LRRTM2: variants seen among roughly 807,000 people sequenced by gnomAD.
The protein encoded by LRRTM2 is leucine-rich repeat transmembrane neuronal protein 2.
In LRRTM2, 14 loss-of-function variants were observed where a neutral mutation model predicts 40.7. The observed-to-expected ratio is 0.34, with a 90% CI of 0.23 to 0.54. The LOEUF is 0.54. Ranked by LOEUF, LRRTM2 falls within the 20% of genes least tolerant of loss-of-function variation. The pLI is 0.92. For missense variants in LRRTM2, 468 were observed against 624.4 expected (o/e 0.75, Z 2.67); for synonymous variants, 223 against 237.6 (o/e 0.94, Z 0.57).
At position 138,875,100 on chromosome 5, in the gene LRRTM2, G is replaced by C; in HGVS notation, c.-189C>G. 1.8e-6 allele frequency: 1 copy of C among 547,390 alleles called. No homozygotes were observed. Among genetic ancestry groups the C allele is most frequent in the Non-Finnish European group, 3.2e-6 (1 of 315,252 alleles). 33.9% of individuals were successfully genotyped at this position (547,390 alleles called of 1,614,324 possible). On this transcript the variant is annotated 5_prime_UTR_variant, in exon 1 of 2. Transcript: ENST00000274711. ...TTAGGATATCCCTCTGGAAAGCATT[G>C]GTTTCATTTTCTGTGATTGCTCTGA...
Position 138,875,146 on chromosome 5 carries a change from AT to A in LRRTM2, c.-236del, listed in dbSNP as rs1313077363. On this transcript the variant is annotated 5_prime_UTR_variant, in exon 1 of 2. Transcript: ENST00000274711. The stretch of plus-strand genomic sequence containing the variant: ...TCTGATCCCTAAATCAGTTTTGAAT[AT>A]AAGTTATTAAATTTCTCCACCTCTA... The A allele has an allele frequency of 6.9e-5, 31 of 450,592 alleles. No homozygotes were observed. The highest frequency in any genetic ancestry group is 6.3e-4 in the African/African-American group (31 of 49,298). 27.9% of individuals were successfully genotyped at this position (450,592 alleles called of 1,614,324 possible).
rs771709297 is a variant in LRRTM2, at chr5:138,872,435, C to T, written c.*575G>A. The T allele has an allele frequency of 6.6e-6, 1 of 152,430 alleles. No homozygotes were observed. The highest frequency in any genetic ancestry group is 1.5e-5 in the Non-Finnish European group (1 of 68,070). The allele number at this position is 152,430 out of a possible 1,614,324, so 9.4% of individuals were successfully genotyped here. A position where few individuals can be genotyped will look rare whatever the true frequency, so the allele number is the denominator to read the frequency against. ...TTCATGATATGGACTTTGATAATAT[C>T]TACTAACCCAGGCAGAAACTCTGGA... On this transcript the variant is annotated 3_prime_UTR_variant, in exon 2 of 2. Transcript: ENST00000274711.
Position 138,872,320 on chromosome 5 carries a change from A to C in LRRTM2, c.*690T>G, listed in dbSNP as rs1750747035. On this transcript the variant is annotated 3_prime_UTR_variant, in exon 2 of 2. Coordinates refer to ENST00000274711, the MANE Select transcript of LRRTM2 (RefSeq NM_015564.3). ...AATTATTTAGGATTGGTTTCATTGT[A>C]ATGAGACCTTTTCACAGTCACTTGG... The C allele has an allele frequency of 6.6e-6, 1 of 152,626 alleles. No homozygotes were observed. The allele number at this position is 152,626 out of a possible 1,614,324, so 9.5% of individuals were successfully genotyped here. A position where few individuals can be genotyped will look rare whatever the true frequency, so the allele number is the denominator to read the frequency against.
chr5:138,874,433 A>G lies in LRRTM2; in HGVS notation c.128T>C (p.Leu43Pro). ...ACPPKCRCEK[L>P]LFYCDSQGFH... ...GCCCTGAGAGTCGCAGTAGAAGAGC[A>G]GCTTCTCGCAGCGGCATTTGGGTGG... The change falls in exon 2 of 2, where the codon CTG becomes CCG. Residue 43 changes from leucine (L) to proline (P), a missense_variant. Transcript: ENST00000274711. The surrounding 1 kb of genome is among the most constrained non-coding windows in gnomAD (Gnocchi z 4.1). The G allele has an allele frequency of 6.2e-7, 1 of 1,613,882 alleles. No homozygotes were observed. Among genetic ancestry groups the G allele is most frequent in the Non-Finnish European group, 8.5e-7 (1 of 1,179,836 alleles).
In LRRTM2 at chr5:138,870,796, G is replaced by C. The variant is rs1008183254; in HGVS notation, c.*2214C>G. The stretch of plus-strand genomic sequence containing the variant: ...TAAATGGGTTGGTAAATTTTAGCTC[G>C]TGGTGCTCTTATTTGTAATAGGGGC... On this transcript the variant is annotated 3_prime_UTR_variant, in exon 2 of 2. Transcript: ENST00000274711. 1 of 152,152 alleles carries C rather than the reference G, an allele frequency of 6.6e-6. No individual in the cohort carries two copies. The highest frequency in any genetic ancestry group is 1.9e-4 in the East Asian group (1 of 5,198). The allele number at this position is 152,152 out of a possible 1,614,324, so 9.4% of individuals were successfully genotyped here.
rs1425768461 is a variant in LRRTM2, at chr5:138,871,823, G to A, written c.*1187C>T. 7 of 152,148 alleles carry A rather than the reference G, an allele frequency of 4.6e-5. No individual in the cohort carries two copies. The highest frequency in any genetic ancestry group is 7.3e-5 in the Non-Finnish European group (5 of 68,030). The allele number at this position is 152,148 out of a possible 1,614,324, so 9.4% of individuals were successfully genotyped here. The stretch of plus-strand genomic sequence containing the variant: ...GAATGCGTATCTTTATTGAAAGATC[G>A]AAATGTATTATATAATAGTTGGAAA... On this transcript the variant is annotated 3_prime_UTR_variant, in exon 2 of 2. Transcript: ENST00000274711.
At position 138,874,989 on chromosome 5, in the gene LRRTM2, T is replaced by C; in HGVS notation, c.-78A>G. 4 of 1,467,258 alleles carry C rather than the reference T, an allele frequency of 2.7e-6. No homozygotes were observed. In the Middle Eastern group the frequency reaches 6.9e-4, roughly 254 times the overall value. The allele number at this position is 1,467,258 out of a possible 1,614,324, so 90.9% of individuals were successfully genotyped here. On this transcript the variant is annotated 5_prime_UTR_variant, in exon 1 of 2. An upstream start codon of the reference 5' UTR is lost. Transcript: ENST00000274711. The surrounding 1 kb of genome is among the most constrained non-coding windows in gnomAD (Gnocchi z 4.1). ...AGTGAGTCTGTAAAAGGCTCTAACA[T>C]GTAGGAGCCTTTGACCAGTTTCCTG... is the stretch of plus-strand genomic sequence containing the variant.
rs761811053 is a variant in LRRTM2 at position 138,873,190 on chromosome 5, C to G, written c.1371G>C (p.Gln457His). The G allele has an allele frequency of 4.4e-5, 71 of 1,613,846 alleles. 1 individual carries two copies. The South Asian group carries it at 7.6e-4, about 17-fold the overall frequency. The change falls in exon 2 of 2, where the codon CAG becomes CAC. Residue 457 changes from glutamine (Q) to histidine (H), a missense_variant. Gln to His is a conservative substitution (Grantham distance 24). Transcript: ENST00000274711. This position sits in a 1 kb window ranked among gnomAD's most constrained non-coding sequence, Gnocchi z 6.1. ...GCCTGTGGTTCTGAACCATTGAGCA[C>G]TGCCTAATTCTTCTTAAAGTGGGAG... ...CCPPTLRRIR[Q>H]CSMVQNHRQL...
At position 138,871,513 on chromosome 5, in the gene LRRTM2, A is replaced by G. The variant is rs965209381; in HGVS notation, c.*1497T>C. Reference sequence around the variant, plus strand: ...GTGGCATCCTTATCATTTGTTAACTATGGCATGTTTATATTTACATTGGAG... The same window carrying G: ...GTGGCATCCTTATCATTTGTTAACTGTGGCATGTTTATATTTACATTGGAG... On this transcript the variant is annotated 3_prime_UTR_variant, in exon 2 of 2. Coordinates refer to ENST00000274711, the MANE Select transcript of LRRTM2 (RefSeq NM_015564.3). 2 of 152,172 alleles carry G rather than the reference A, an allele frequency of 1.3e-5. No homozygotes were observed. Among genetic ancestry groups the G allele is most frequent in the African/African-American group, 4.8e-5 (2 of 41,438 alleles). The allele number at this position is 152,172 out of a possible 1,614,324, so 9.4% of individuals were successfully genotyped here.
Position 138,873,441 on chromosome 5 carries a change from A to G in LRRTM2, c.1120T>C (p.Tyr374His). The G allele has an allele frequency of 6.2e-7, 1 of 1,613,982 alleles. No individual in the cohort carries two copies. Among genetic ancestry groups the G allele is most frequent in the Non-Finnish European group, 8.5e-7 (1 of 1,179,884 alleles). ...STTVTVMATT[Y>H]RDPTTEYTKR... ...GTATATTCAGTGGTTGGATCTCTAT[A>G]AGTTGTAGCCATGACAGTGACAGTG... Residue 374 changes from tyrosine to histidine, a missense_variant, in exon 2 of 2, where the codon TAT becomes CAT. By Grantham distance (83) the Tyr-to-His change is moderately conservative. Transcript: ENST00000274711. The surrounding 1 kb of genome is among the most constrained non-coding windows in gnomAD (Gnocchi z 6.1).
At position 138,873,613 on chromosome 5, in the gene LRRTM2, G is replaced by T. The variant is rs772215795; in HGVS notation, c.948C>A (p.Ser316Arg). The T allele has an allele frequency of 1.2e-6, 2 of 1,614,004 alleles. No homozygotes were observed. The highest frequency in any genetic ancestry group is 1.7e-6 in the Non-Finnish European group (2 of 1,179,884). ...AGGAGGCCAGAGCACATATTCGGGC[G>T]CTGCATTCCCACAGATTGCCAGAGA... is the stretch of plus-strand genomic sequence containing the variant. ...VGLSGNLWEC[S>R]ARICALASWL... is the part of the protein sequence containing the mutation. Residue 316 changes from serine to arginine, a missense_variant, in exon 2 of 2, where the codon AGC (serine) becomes AGA (arginine). Ser to Arg is a moderately radical substitution (Grantham distance 110, BLOSUM62 -1). Coordinates refer to ENST00000274711, the MANE Select transcript of LRRTM2 (RefSeq NM_015564.3). The surrounding 1 kb of genome is among the most constrained non-coding windows in gnomAD (Gnocchi z 6.1).
In LRRTM2 at chr5:138,871,813, T is replaced by C. The variant is rs966443213; in HGVS notation, c.*1197A>G. On this transcript the variant is annotated 3_prime_UTR_variant, in exon 2 of 2. Transcript: ENST00000274711. ...CTTACAGCGTGAATGCGTATCTTTA[T>C]TGAAAGATCGAAATGTATTATATAA... The C allele has an allele frequency of 2.6e-5, 4 of 152,268 alleles. No homozygotes were observed. The highest frequency in any genetic ancestry group is 1.9e-4 in the East Asian group (1 of 5,206). The allele number at this position is 152,268 out of a possible 1,614,324, so 9.4% of individuals were successfully genotyped here.
rs892431036 is a variant in LRRTM2, at chr5:138,873,286, C to T, written c.1275G>A (p.Thr425=). 3.7e-6 allele frequency: 6 copies of T among 1,613,862 alleles called. No individual in the cohort carries two copies. The highest frequency in any genetic ancestry group is 5.1e-6 in the Non-Finnish European group (6 of 1,179,896). ...DNAIFTQRVI[T]GTMALLFSFF... Reference sequence around the variant, plus strand: ...AAGAAAACAATAAAGCCATTGTTCCCGTAATTACCCGCTGAGTGAAGATGG... The same window carrying T: ...AAGAAAACAATAAAGCCATTGTTCCTGTAATTACCCGCTGAGTGAAGATGG... The change falls in exon 2 of 2, where the codon ACG becomes ACA. Residue 425 remains threonine, a synonymous_variant. Coordinates refer to ENST00000274711, the MANE Select transcript of LRRTM2 (RefSeq NM_015564.3). This position sits in a 1 kb window ranked among gnomAD's most constrained non-coding sequence, Gnocchi z 6.1.
rs1024357000 is a variant in LRRTM2, at chr5:138,869,372, C to A, written c.*3638G>T. 7.0e-6 allele frequency: 1 copy of A among 141,928 alleles called. No individual in the cohort carries two copies. Among genetic ancestry groups the A allele is most frequent in the Non-Finnish European group, 1.6e-5 (1 of 63,800 alleles). 8.8% of individuals were successfully genotyped at this position (141,928 alleles called of 1,614,324 possible). A position where few individuals can be genotyped will look rare whatever the true frequency, so the allele number is the denominator to read the frequency against. On this transcript the variant is annotated 3_prime_UTR_variant, in exon 2 of 2. Coordinates refer to ENST00000274711, the MANE Select transcript of LRRTM2 (RefSeq NM_015564.3). ...CTATAGATGGCCTTACTGTCTCTCT[C>A]TCTTTTTTTTTTTTTTTCCTGGCTC... is the stretch of plus-strand genomic sequence containing the variant.
In LRRTM2 at chr5:138,870,168, A is replaced by G. The variant is rs1765210329; in HGVS notation, c.*2842T>C. The G allele has an allele frequency of 6.6e-6, 1 of 152,252 alleles. No homozygotes were observed. The highest frequency in any genetic ancestry group is 2.4e-5 in the African/African-American group (1 of 41,476). The allele number at this position is 152,252 out of a possible 1,614,324, so 9.4% of individuals were successfully genotyped here. On this transcript the variant is annotated 3_prime_UTR_variant, in exon 2 of 2. Transcript: ENST00000274711. Reference sequence around the variant, plus strand: ...ACCCCATCAAAAAACAAAAGCTCTGACACTGTGTAACCAAGATCCGCAGCG... The same window carrying G: ...ACCCCATCAAAAAACAAAAGCTCTGGCACTGTGTAACCAAGATCCGCAGCG...
At position 138,872,031 on chromosome 5, in the gene LRRTM2, T is replaced by C. The variant is rs999131298; in HGVS notation, c.*979A>G. ...AGTTGAGAGAGAGAGCGCGAGAGTG[T>C]GTGTGTGTGTGTGTGTGTGTGTGTG... On this transcript the variant is annotated 3_prime_UTR_variant, in exon 2 of 2. Coordinates refer to ENST00000274711, the MANE Select transcript of LRRTM2 (RefSeq NM_015564.3). 9.2e-6 allele frequency: 1 copy of C among 108,508 alleles called. No individual in the cohort carries two copies. Among genetic ancestry groups the C allele is most frequent in the Non-Finnish European group, 1.9e-5 (1 of 53,916 alleles). The allele number at this position is 108,508 out of a possible 1,614,324, so 6.7% of individuals were successfully genotyped here. A position where few individuals can be genotyped will look rare whatever the true frequency, so the allele number is the denominator to read the frequency against.
In LRRTM2 at chr5:138,873,287, G is replaced by A. The variant is rs745925455; in HGVS notation, c.1274C>T (p.Thr425Met). The A allele has an allele frequency of 4.0e-5, 64 of 1,613,878 alleles. No homozygotes were observed. Among genetic ancestry groups the A allele is most frequent in the Non-Finnish European group, 5.1e-5 (60 of 1,179,888 alleles). The change falls in exon 2 of 2, where the codon ACG becomes ATG. Residue 425 changes from threonine (T) to methionine (M), a missense_variant. Thr to Met is a moderately conservative substitution (Grantham distance 81). Coordinates refer to ENST00000274711, the MANE Select transcript of LRRTM2 (RefSeq NM_015564.3). This position sits in a 1 kb window ranked among gnomAD's most constrained non-coding sequence, Gnocchi z 6.1. ...AGAAAACAATAAAGCCATTGTTCCC[G>A]TAATTACCCGCTGAGTGAAGATGGC... is the stretch of plus-strand genomic sequence containing the variant. Reference protein sequence around the residue: ...DNAIFTQRVITGTMALLFSFF... With the variant: ...DNAIFTQRVIMGTMALLFSFF...
In LRRTM2 at chr5:138,873,528, T is replaced by G; in HGVS notation, c.1033A>C (p.Thr345Pro). 1 of 1,613,896 alleles carries G rather than the reference T, an allele frequency of 6.2e-7. No individual in the cohort carries two copies. The highest frequency in any genetic ancestry group is 8.5e-7 in the Non-Finnish European group (1 of 1,179,864). ...GCATCTAGAATATCCTCTCCTTGGG[T>G]GTGGTCAGGACTGTGGCATAGGATG... Reference protein sequence around the residue: ...HSILCHSPDHTQGEDILDAVH... With the variant: ...HSILCHSPDHPQGEDILDAVH... The change falls in exon 2 of 2, where the codon ACC becomes CCC. Residue 345 changes from threonine (T) to proline (P), a missense_variant. Coordinates refer to ENST00000274711, the MANE Select transcript of LRRTM2 (RefSeq NM_015564.3). The surrounding 1 kb of genome is among the most constrained non-coding windows in gnomAD (Gnocchi z 6.1).
rs1472418900 is a variant in LRRTM2, at chr5:138,869,186, A to AAC, written c.*3823_*3824insGT. On this transcript the variant is annotated 3_prime_UTR_variant, in exon 2 of 2. Coordinates refer to ENST00000274711, the MANE Select transcript of LRRTM2 (RefSeq NM_015564.3). The stretch of plus-strand genomic sequence containing the variant: ...ATATATCAGACTTAAAAAAAAAAAA[A>AAC]AAAACCGCTAAGGACAAAAATGTTA... 6.6e-6 allele frequency: 1 copy of AAC among 151,854 alleles called. No individual in the cohort carries two copies. The highest frequency in any genetic ancestry group is 1.5e-5 in the Non-Finnish European group (1 of 67,956). The allele number at this position is 151,854 out of a possible 1,614,324, so 9.4% of individuals were successfully genotyped here.
Sources: allele counts gnomAD v4.1 joint callset, GRCh38; gene constraint gnomAD v4.1.1; non-coding constraint Gnocchi (gnomAD v3.1); transcripts MANE v1.5; gene names NCBI Gene and HGNC (gene_info 2026-07-23, HGNC 2026-07-21).